The following CNGB3 variants were observed in gnomAD, a reference collection of about 807,000 sequenced individuals.
The protein encoded by CNGB3 is cyclic nucleotide gated channel subunit beta 3.
In CNGB3, 86 loss-of-function variants were observed where a neutral mutation model predicts 92.8. The observed-to-expected ratio is 0.93, with a 90% confidence interval of 0.78 to 1.11. The LOEUF (loss-of-function observed/expected upper bound fraction) is 1.11, where lower values mean the gene tolerates loss of function less well. Ranked by LOEUF, CNGB3 falls within the 50% of genes least tolerant of loss-of-function variation. The probability of loss-of-function intolerance (pLI) is 0.00; values close to 1 mark genes in which losing one functional copy is unlikely to be tolerated. For synonymous variants in CNGB3, 333 were observed against 332.7 expected (o/e 1.00, Z -0.01); for missense variants, 1,026 against 956.8 (o/e 1.07, Z -0.95).
intron 7 of CNGB3, among the ~76,000 whole-genome samples, chr8:86,650,053 C>G (rs144394978): frequency 1.3e-5 from 2 of 151,274 alleles, no homozygotes; most frequent in African/African-American, 4.8e-5. Context: ...AATGCCCCCC[C>G]GCCCAAATTG....
chr8:86,659,879 GC>G, intron 6 of CNGB3: 1 of 425,448 alleles, frequency 2.4e-6, no homozygotes. Context: ...ATGATGCAGG[GC>G]CCTCCCCATT....
At chr8:86,578,999 C>A in intron 16 of CNGB3, 107 bp downstream of exon 16, 1 of 1,549,224 alleles carries the variant, frequency 6.5e-7, no homozygotes. Flanking sequence ...TTAAGCATAT[C>A]TCACTGTGAT....
At chr8:86,583,349 C>T (rs979783157) in intron 15 of CNGB3, among the ~76,000 whole-genome samples, 1 of 152,152 alleles carries the variant, frequency 6.6e-6, no homozygotes, top group South Asian at 2.1e-4. Context: ...TGTTGTAAGG[C>T]ACCACATGTG....
rs573675070 is a variant in CNGB3 at position 86,657,492 on chromosome 8, G to A, written c.853-3430C>T. On this transcript the variant is annotated intron_variant, in intron 6 of 17. Coordinates refer to ENST00000320005, the MANE Select transcript of CNGB3 (RefSeq NM_019098.5). ...TGGGGGTTCTGCATCTCAGGAAGCAGTTGCATAATCTGCTGTGCAGTGGGA... is the reference window on the plus strand; with the variant it reads ...TGGGGGTTCTGCATCTCAGGAAGCAATTGCATAATCTGCTGTGCAGTGGGA... 9.3e-5 allele frequency: 48 copies of A among 513,742 alleles called. 1 individual carries two copies. Among genetic ancestry groups the A allele is most frequent in the South Asian group, 5.6e-4 (38 of 68,316 alleles). The allele number at this position is 513,742 out of a possible 1,614,324, so 31.8% of individuals were successfully genotyped here.
rs373216514 is a variant in CNGB3 at position 86,671,018 on chromosome 8, C to A, written c.419G>T (p.Arg140Leu). 2.5e-6 allele frequency: 4 copies of A among 1,613,640 alleles called. No individual in the cohort carries two copies. The highest frequency in any genetic ancestry group is 3.4e-6 in the Non-Finnish European group (4 of 1,180,014). ...AQLHNLVKRM[R>L]QRTALYKKKL... ...TTTCTTGTAGAGGGCTGTTCTTTGACGCATTCTTTTCACCAGGTTGTGTAG... is the reference window on the plus strand; with the variant it reads ...TTTCTTGTAGAGGGCTGTTCTTTGAAGCATTCTTTTCACCAGGTTGTGTAG... Residue 140 changes from arginine (R) to leucine (L), a missense_variant, in exon 4 of 18, where the codon CGT becomes CTT. Coordinates refer to ENST00000320005, the MANE Select transcript of CNGB3 (RefSeq NM_019098.5).
chr8:86,679,036 G>A (rs1824030336), intron 3 of CNGB3, among the ~76,000 whole-genome samples: 1 of 152,014 alleles, frequency 6.6e-6, no homozygotes, highest in Admixed American at 6.6e-5. Flanking sequence ...TTTTCTCTGT[G>A]GAGTAGCAGC....
chr8:86,658,311 G>T, intron 6 of CNGB3: 1 of 493,942 alleles, frequency 2.0e-6, no homozygotes, highest in African/African-American at 2.0e-5. Flanking sequence ...CAGTTCCTCC[G>T]GGATGCTTGG....
At chr8:86,642,782 C>A (rs1478893460) in intron 10 of CNGB3, among the ~76,000 whole-genome samples, 1 of 151,582 alleles carries the variant, frequency 6.6e-6, no homozygotes, top group African/African-American at 2.4e-5. Context: ...TTCTACTGTT[C>A]TAAATTTTTC....
At chr8:86,587,486 C>A (rs1365846316) in intron 15 of CNGB3, among the ~76,000 whole-genome samples, 1 of 152,156 alleles carries the variant, frequency 6.6e-6, no homozygotes, top group Admixed American at 6.5e-5. Flanking sequence ...ACGTTTAAGT[C>A]TTTAATCCAT....
chr8:86,640,420 T>C (rs1342728343), intron 10 of CNGB3, among the ~76,000 whole-genome samples: 1 of 151,986 alleles, frequency 6.6e-6, no homozygotes, highest in Non-Finnish European at 1.5e-5. Flanking sequence ...TTCCAAGAAA[T>C]CAGGAGAGAG....
At chr8:86,635,886 A>G (rs1334397956) in intron 10 of CNGB3, among the ~76,000 whole-genome samples, 1 of 129,772 alleles carries the variant, frequency 7.7e-6, no homozygotes, top group Non-Finnish European at 1.8e-5. Context: ...ATACTTAGGC[A>G]TACTTAAAGC....
At chr8:86,667,547 C>T (rs555255650) in intron 5 of CNGB3, among the ~76,000 whole-genome samples, 1 of 152,326 alleles carries the variant, frequency 6.6e-6, no homozygotes, top group East Asian at 1.9e-4. Context: ...AGAAAGGCCA[C>T]ATCCTGCCAG....
rs1441655203 is a variant in CNGB3, at chr8:86,610,935, T to G, written c.1662+653A>C. On this transcript the variant is annotated intron_variant, in intron 14 of 17. Coordinates refer to ENST00000320005, the MANE Select transcript of CNGB3 (RefSeq NM_019098.5). ...ATCATATTGTAGATTACTTAATACA[T>G]AGTGTTCATATGATATATTGTTACA... Among the ~76,000 whole-genome samples the G allele has an allele frequency of 3.3e-5, 5 of 152,214 alleles. No homozygotes were observed. The South Asian group carries it at 1.0e-3, about 32-fold the overall frequency.
chr8:86,632,807 A>G lies in CNGB3; in HGVS notation c.1265T>C (p.Phe422Ser), dbSNP rs1822987722. 2 of 1,612,996 alleles carry G rather than the reference A, an allele frequency of 1.2e-6. No individual in the cohort carries two copies. Among genetic ancestry groups the G allele is most frequent in the African/African-American group, 1.3e-5 (1 of 74,906 alleles). Residue 422 changes from phenylalanine to serine, a missense_variant, in exon 11 of 18, where the codon TTT (phenylalanine) becomes TCT (serine). Physicochemically the swap from Phe to Ser is radical, Grantham distance 155. Transcript: ENST00000320005. ...PEPQTLFEIV[F>S]QLLNFFSGVF... ...TCCAGAAAAAAAATTCAAGAGTTGA[A>G]AAACAATTTCAAATAAAGTTTGTGG...
chr8:86,705,627 A>C (rs756105214), intron 3 of CNGB3, among the ~76,000 whole-genome samples: 8 of 152,108 alleles, frequency 5.3e-5, no homozygotes, highest in Admixed American at 2.6e-4. Flanking sequence ...TGTCACACCA[A>C]ATACCAAAGA....
chr8:86,730,932 A>G (rs540439192), intron 2 of CNGB3, among the ~76,000 whole-genome samples: 1 of 152,316 alleles, frequency 6.6e-6, no homozygotes, highest in African/African-American at 2.4e-5. Context: ...TATATTAAAA[A>G]CATGTGATCT....
At chr8:86,578,998 T>G (rs2131532426) in intron 16 of CNGB3, 108 bp downstream of exon 16, 1 of 1,549,620 alleles carries the variant, frequency 6.5e-7, no homozygotes, top group East Asian at 2.2e-5. Context: ...ATTAAGCATA[T>G]CTCACTGTGA....
At chr8:86,667,995 T>C (rs1365314084) in intron 5 of CNGB3, 24 bp downstream of exon 5, 1 of 1,613,614 alleles carries the variant, frequency 6.2e-7, no homozygotes, top group East Asian at 2.2e-5. Flanking sequence ...CCTCCCACTA[T>C]GATAATTCAC....
chr8:86,588,765 T>A (rs1046439829), intron 15 of CNGB3, among the ~76,000 whole-genome samples: 1 of 151,500 alleles, frequency 6.6e-6, no homozygotes, highest in African/African-American at 2.4e-5. Context: ...GATTTTTGCA[T>A]CAATGTTCAT....
Sources: gnomAD v4.1 joint callset for allele counts (sites outside exome capture counted in the v4.1 genomes callset) on GRCh38, gnomAD v4.1.1 for gene constraint, MANE v1.5 for transcripts, NCBI Gene and HGNC (gene_info 2026-07-23, HGNC 2026-07-21) for gene names.